The following F2R variants were observed in gnomAD, a reference collection of about 807,000 sequenced individuals.
F2R encodes proteinase-activated receptor 1.
F2R carries 12 observed loss-of-function variants against 18.3 expected under a neutral mutation model. The observed-to-expected ratio is 0.66, with a 90% CI of 0.42 to 1.06. F2R has a LOEUF of 1.06. Ranked by LOEUF, F2R falls within the 50% of genes least tolerant of loss-of-function variation. F2R has a pLI of 0.00. For missense variants in F2R, 438 were observed against 530.8 expected (o/e 0.83, Z 1.72); for synonymous variants, 210 against 219.9 (o/e 0.95, Z 0.40).
intron 1 of F2R, among the ~76,000 whole-genome samples, chr5:76,725,441 A>T (rs1350625739): frequency 6.6e-6 from 1 of 151,764 alleles, no homozygotes; most frequent in Non-Finnish European, 1.5e-5. Flanking sequence ...AAAAACAGAG[A>T]TGAATGATAA....
Position 76,716,730 on chromosome 5 carries a change from C to G in F2R, c.88+335C>G, listed in dbSNP as rs764760373. On this transcript the variant is annotated intron_variant, in intron 1 of 1. Coordinates refer to ENST00000319211, the MANE Select transcript of F2R (RefSeq NM_001992.5). ...ATTGTGTTTCTCCCAGGACCACCCCCAAAAAGAAAAGCTCTCACGTTGCTC... is the reference window on the plus strand; with the variant it reads ...ATTGTGTTTCTCCCAGGACCACCCCGAAAAAGAAAAGCTCTCACGTTGCTC... 7 of 672,090 alleles carry G rather than the reference C, an allele frequency of 1.0e-5. No homozygotes were observed. In the African/African-American group the frequency reaches 1.1e-4, roughly 11 times the overall value. The allele number at this position is 672,090 out of a possible 1,614,324, so 41.6% of individuals were successfully genotyped here.
chr5:76,732,725 A>G lies in F2R; in HGVS notation c.500A>G (p.Asp167Gly), dbSNP rs763252115. Residue 167 changes from aspartate (D) to glycine (G), a missense_variant, in exon 2 of 2, where the codon GAT (aspartate) becomes GGT (glycine). Physicochemically the swap from Asp to Gly is moderately conservative, Grantham distance 94 (BLOSUM62 -1). Transcript: ENST00000319211. The part of the protein sequence containing the change: ...FKISYYFSGS[D>G]WQFGSELCRF... ...ATCAGCTATTACTTTTCCGGCAGTG[A>G]TTGGCAGTTTGGGTCTGAATTGTGT... 2 of 1,614,052 alleles carry G rather than the reference A, an allele frequency of 1.2e-6. No homozygotes were observed. Among genetic ancestry groups the G allele is most frequent in the African/African-American group, 2.7e-5 (2 of 74,906 alleles).
rs1409159099 is a variant in F2R, at chr5:76,716,229, G to A, written c.-79G>A. 4 of 1,152,404 alleles carry A rather than the reference G, an allele frequency of 3.5e-6. No homozygotes were observed. The highest frequency in any genetic ancestry group is 4.5e-6 in the Non-Finnish European group (4 of 894,244). 71.4% of individuals were successfully genotyped at this position (1,152,404 alleles called of 1,614,324 possible). ...GCGAAGACCGGCTCCCCGACCCGCA[G>A]AAGTCAGGAGAGAGGGTGAAGCGGA... On this transcript the variant is annotated 5_prime_UTR_variant, in exon 1 of 2. Coordinates refer to ENST00000319211, the MANE Select transcript of F2R (RefSeq NM_001992.5).
At chr5:76,717,008 A>C (rs1748359822) in intron 1 of F2R, among the ~76,000 whole-genome samples, 1 of 152,138 alleles carries the variant, frequency 6.6e-6, no homozygotes, top group Middle Eastern at 3.4e-3. Context: ...GTGGCGGGGG[A>C]GGGGACATGG....
At chr5:76,721,423 G>A (rs927453333) in intron 1 of F2R, among the ~76,000 whole-genome samples, 6 of 152,152 alleles carry the variant, frequency 3.9e-5, no homozygotes, top group East Asian at 1.9e-4. Flanking sequence ...TGACCTTGTC[G>A]TGGTACTTGG....
At chr5:76,719,081 C>T (rs999805531) in intron 1 of F2R, among the ~76,000 whole-genome samples, 3 of 152,194 alleles carry the variant, frequency 2.0e-5, no homozygotes, top group Non-Finnish European at 4.4e-5. Context: ...CTCCCTCTGG[C>T]CAGAATGCCC....
At chr5:76,716,661 C>T in intron 1 of F2R, 1 of 746,014 alleles carries the variant, frequency 1.3e-6, no homozygotes, top group Non-Finnish European at 2.4e-6. Context: ...GAGGATGGAG[C>T]GGAAGCCCCC....
intron 1 of F2R, among the ~76,000 whole-genome samples, chr5:76,723,812 C>CA (rs754451250): frequency 6.6e-6 from 1 of 151,998 alleles, no homozygotes; most frequent in Non-Finnish European, 1.5e-5. Flanking sequence ...CAAACATACC[C>CA]AAAAATGAAC....
chr5:76,722,395 G>T (rs962765957), intron 1 of F2R, among the ~76,000 whole-genome samples: 4 of 152,206 alleles, frequency 2.6e-5, no homozygotes, highest in Non-Finnish European at 4.4e-5. Context: ...TCCCGGGCAA[G>T]GCCTGCTAGC....
chr5:76,724,939 GAC>G (rs1382871166), intron 1 of F2R, among the ~76,000 whole-genome samples: 1 of 152,230 alleles, frequency 6.6e-6, no homozygotes, highest in Non-Finnish European at 1.5e-5. Context: ...TTTTCCACTT[GAC>G]AGAGTTAGTG....
At chr5:76,725,733 G>T (rs1748542005) in intron 1 of F2R, among the ~76,000 whole-genome samples, 2 of 152,050 alleles carry the variant, frequency 1.3e-5, no homozygotes, top group South Asian at 4.1e-4. Flanking sequence ...TTAACCAAGG[G>T]ATTATACATT....
intron 1 of F2R, among the ~76,000 whole-genome samples, chr5:76,719,543 T>G (rs1748407291): frequency 6.6e-6 from 1 of 151,844 alleles, no homozygotes; most frequent in African/African-American, 2.4e-5. Flanking sequence ...GAACTGAGAT[T>G]GTGCCACTGC....
At position 76,716,169 on chromosome 5, in the gene F2R, G is replaced by T; in HGVS notation, c.-139G>T. 1.7e-6 allele frequency: 1 copy of T among 593,294 alleles called. No individual in the cohort carries two copies. Among genetic ancestry groups the T allele is most frequent in the South Asian group, 4.4e-5 (1 of 22,784 alleles). The allele number at this position is 593,294 out of a possible 1,614,324, so 36.8% of individuals were successfully genotyped here. ...GCTCGCCGAGGGTCGCTTGGACCCTGATCTTACCCGTGGGCACCCTGCGCT... is the reference window on the plus strand; with the variant it reads ...GCTCGCCGAGGGTCGCTTGGACCCTTATCTTACCCGTGGGCACCCTGCGCT... On this transcript the variant is annotated 5_prime_UTR_variant, in exon 1 of 2. Transcript: ENST00000319211.
chr5:76,730,077 ACT>A (rs1748642336), intron 1 of F2R, among the ~76,000 whole-genome samples: 2 of 152,122 alleles, frequency 1.3e-5, no homozygotes, highest in Non-Finnish European at 2.9e-5. Flanking sequence ...AGGAAAAAAG[ACT>A]CTGGATTTTG....
chr5:76,723,859 A>G (rs1389629154), intron 1 of F2R, among the ~76,000 whole-genome samples: 2 of 152,224 alleles, frequency 1.3e-5, no homozygotes, highest in Non-Finnish European at 2.9e-5. Context: ...TCCAGCTTCA[A>G]CATTATTTAC....
Position 76,732,313 on chromosome 5 carries a change from G to A in F2R, c.89-1G>A. 6.4e-7 allele frequency: 1 copy of A among 1,568,868 alleles called. No individual in the cohort carries two copies. The highest frequency in any genetic ancestry group is 2.2e-5 in the East Asian group (1 of 44,470). On this transcript the variant is annotated splice_acceptor_variant, in intron 1 of 1. Coordinates refer to ENST00000319211, the MANE Select transcript of F2R (RefSeq NM_001992.5). LOFTEE classifies it high-confidence loss of function. ...AAAATTTTTTTAATTTTATTTTTCA[G>A]AATCAAAAGCAACAAATGCCACCTT...
chr5:76,732,580 C>T lies in F2R; in HGVS notation c.355C>T (p.Leu119=). 2 of 1,614,210 alleles carry T rather than the reference C, an allele frequency of 1.2e-6. No individual in the cohort carries two copies. Among genetic ancestry groups the T allele is most frequent in the Non-Finnish European group, 1.7e-6 (2 of 1,180,038 alleles). The change falls in exon 2 of 2, where the codon CTA becomes TTA. Residue 119 remains leucine (L), a synonymous_variant. Coordinates refer to ENST00000319211, the MANE Select transcript of F2R (RefSeq NM_001992.5). ...YTGVFVVSLP[L]NIMAIVVFIL... is the part of the protein sequence containing the mutation. The stretch of plus-strand genomic sequence containing the variant: ...CGGAGTGTTTGTAGTCAGCCTCCCA[C>T]TAAACATCATGGCCATCGTTGTGTT...
intron 1 of F2R, chr5:76,716,937 T>C (rs898179945): frequency 8.7e-5 from 41 of 470,176 alleles, no homozygotes; most frequent in African/African-American, 7.3e-4. Flanking sequence ...CGGCCCGGCC[T>C]TGTGTCCAGG....
In F2R at chr5:76,734,065, C is replaced by CTT. The variant is rs907542412; in HGVS notation, c.*563_*564dup. 6.5e-6 allele frequency: 1 copy of CTT among 153,798 alleles called. No individual in the cohort carries two copies. Among genetic ancestry groups the CTT allele is most frequent in the African/African-American group, 2.4e-5 (1 of 41,432 alleles). 9.5% of individuals were successfully genotyped at this position (153,798 alleles called of 1,614,324 possible). The stretch of plus-strand genomic sequence containing the variant: ...AGGTTTAAGTTATTAAGAGGTAAGA[C>CTT]TTAGTACTATCTGTGCGTAGAAGTT... On this transcript the variant is annotated 3_prime_UTR_variant, in exon 2 of 2. Transcript: ENST00000319211.
Sources: allele counts gnomAD v4.1 joint callset (sites outside exome capture counted in the v4.1 genomes callset), GRCh38; gene constraint gnomAD v4.1.1; transcripts MANE v1.5; gene names NCBI Gene and HGNC (gene_info 2026-07-23, HGNC 2026-07-21).